The following PRIM2 variants were observed in gnomAD, a reference collection of about 807,000 sequenced individuals.
The protein encoded by PRIM2 is DNA primase subunit 2, also known as DNA primase large subunit.
Under a neutral mutation model 67.3 loss-of-function variants are expected in PRIM2, and 39 were observed. The observed-to-expected ratio is 0.58, with a 90% CI of 0.45 to 0.76. PRIM2 has a LOEUF of 0.76. Among genes scored for constraint, PRIM2 ranks in the 30% least tolerant of loss-of-function variants. The pLI is 0.00. For synonymous variants in PRIM2, 143 were observed against 198.7 expected (o/e 0.72, Z 2.36); for missense variants, 398 against 598.7 (o/e 0.66, Z 3.50).
chr6:57,489,006 C>T (rs1773816764), intron 7 of PRIM2, among the ~76,000 whole-genome samples: 1 of 152,220 alleles, frequency 6.6e-6, no homozygotes, highest in Non-Finnish European at 1.5e-5. Context: ...ATGCGCAGCA[C>T]AACTTGTGAG....
At chr6:57,345,931 A>T (rs1382884679) in intron 5 of PRIM2, among the ~76,000 whole-genome samples, 2 of 152,156 alleles carry the variant, frequency 1.3e-5, no homozygotes. Context: ...TTGCCATGGC[A>T]TTTGTAAACT....
At chr6:57,605,480 C>T (rs1252927383) in intron 11 of PRIM2, among the ~76,000 whole-genome samples, 1 of 152,152 alleles carries the variant, frequency 6.6e-6, no homozygotes, top group Non-Finnish European at 1.5e-5. Flanking sequence ...CAGATTTTCA[C>T]TTTCTTCCTG....
intron 7 of PRIM2, among the ~76,000 whole-genome samples, chr6:57,476,586 C>T (rs1426038560): frequency 1.1e-4 from 17 of 152,194 alleles, no homozygotes; most frequent in East Asian, 9.6e-4. Flanking sequence ...AGTATTAGAA[C>T]GTAACCATCA....
chr6:57,392,210 G>A (rs941775244), intron 7 of PRIM2, among the ~76,000 whole-genome samples: 14 of 152,038 alleles, frequency 9.2e-5, no homozygotes, highest in African/African-American at 2.2e-4. Context: ...TAGCGATTTC[G>A]TTCATTGATT....
intron 7 of PRIM2, among the ~76,000 whole-genome samples, chr6:57,456,136 A>G (rs1208992183): frequency 1.3e-5 from 2 of 152,084 alleles, no homozygotes; most frequent in African/African-American, 4.8e-5. Context: ...TGGCTTGTAG[A>G]GTTTCTGCCG....
At chr6:57,320,644 G>A (rs1767623920) in intron 3 of PRIM2, 84 bp downstream of exon 3, 3 of 808,190 alleles carry the variant, frequency 3.7e-6, no homozygotes. Flanking sequence ...TATTATATTA[G>A]GCACTGGGCT....
At chr6:57,489,324 G>C (rs1382982624) in intron 7 of PRIM2, among the ~76,000 whole-genome samples, 1 of 148,690 alleles carries the variant, frequency 6.7e-6, no homozygotes, top group Non-Finnish European at 1.5e-5. Context: ...TGGGAGGCCA[G>C]CGCAGGCAGA....
intron 7 of PRIM2, among the ~76,000 whole-genome samples, chr6:57,458,465 C>T (rs1217896813): frequency 6.6e-6 from 1 of 152,126 alleles, no homozygotes; most frequent in Non-Finnish European, 1.5e-5. Context: ...GGGCAGATCA[C>T]CTGAGGTCAG....
rs1420618025 is a variant in PRIM2 at position 57,363,821 on chromosome 6, C to T, written c.460-16080C>T. On this transcript the variant is annotated intron_variant, in intron 5 of 13. Transcript: ENST00000615550. ...TCTTATATTAATTCTGGAAAATTCT[C>T]AGCCATTATTGCTTTTAAACTTCCC... Among the ~76,000 whole-genome samples the T allele has an allele frequency of 2.0e-5, 3 of 152,148 alleles. No homozygotes were observed. In the South Asian group the frequency reaches 6.2e-4, roughly 32 times the overall value.
chr6:57,615,884 C>T (rs1218222643), intron 12 of PRIM2, among the ~76,000 whole-genome samples: 1 of 152,086 alleles, frequency 6.6e-6, no homozygotes, highest in African/African-American at 2.4e-5. Flanking sequence ...AGCAAGACTC[C>T]ATCTCTCCAA....
At chr6:57,461,229 T>C (rs1421874163) in intron 7 of PRIM2, among the ~76,000 whole-genome samples, 4 of 152,322 alleles carry the variant, frequency 2.6e-5, no homozygotes, top group South Asian at 2.1e-4. Context: ...GTGGCTTTGA[T>C]GACATAGTGG....
intron 10 of PRIM2, among the ~76,000 whole-genome samples, chr6:57,575,905 G>C (rs1775956041): frequency 6.6e-6 from 1 of 151,960 alleles, no homozygotes; most frequent in Admixed American, 6.6e-5. Flanking sequence ...CAGCCTCCCA[G>C]ATTGCTGGGA....
At chr6:57,256,158 T>G in the PRIM2 span, among the ~76,000 whole-genome samples, 2 of 152,176 alleles carry the variant, frequency 1.3e-5, no homozygotes, top group Non-Finnish European at 2.9e-5. Context: ...CCTTTTGTAA[T>G]GTAAAATTGT....
intron 7 of PRIM2, among the ~76,000 whole-genome samples, chr6:57,401,608 A>T (rs1770710711): frequency 6.6e-6 from 1 of 151,974 alleles, no homozygotes; most frequent in South Asian, 2.1e-4. Flanking sequence ...GGATGTGCTC[A>T]GTGTTTATGT....
At chr6:57,384,073 T>C (rs1470640662) in intron 7 of PRIM2, among the ~76,000 whole-genome samples, 3 of 152,240 alleles carry the variant, frequency 2.0e-5, no homozygotes, top group African/African-American at 7.2e-5. Flanking sequence ...CCCCTTTCTC[T>C]GAATATGTCT....
chr6:57,494,941 T>A (rs1233930131), intron 7 of PRIM2, among the ~76,000 whole-genome samples: 3 of 152,350 alleles, frequency 2.0e-5, no homozygotes, highest in Admixed American at 2.0e-4. Flanking sequence ...TCTATTTTCA[T>A]TTCATAATCA....
At chr6:57,222,726 G>T in the PRIM2 span, among the ~76,000 whole-genome samples, 2 of 152,094 alleles carry the variant, frequency 1.3e-5, no homozygotes, top group African/African-American at 4.8e-5. Flanking sequence ...AAAAGGTTCC[G>T]CAAAAGCAAT....
chr6:57,232,475 T>C, the PRIM2 span, among the ~76,000 whole-genome samples: 2 of 152,072 alleles, frequency 1.3e-5, no homozygotes, highest in African/African-American at 4.8e-5. Flanking sequence ...TCACTTGAAC[T>C]GAGGCGGAGG....
intron 7 of PRIM2, among the ~76,000 whole-genome samples, chr6:57,491,150 G>A (rs1773879684): frequency 1.3e-5 from 2 of 152,182 alleles, no homozygotes; most frequent in South Asian, 4.2e-4. Context: ...GTAGTGTAGT[G>A]AAATTTAGGA....
Sources: allele counts gnomAD v4.1 joint callset (sites outside exome capture counted in the v4.1 genomes callset), GRCh38; gene constraint gnomAD v4.1.1; transcripts MANE v1.5; gene names NCBI Gene and HGNC (gene_info 2026-07-23, HGNC 2026-07-21).